Variants in ZNF804A observed in about 807,000 individuals in gnomAD.
ZNF804A encodes the protein zinc finger protein 804A.
ZNF804A carries 2 observed loss-of-function variants against 16.5 expected under a neutral mutation model. The ratio of observed to expected loss-of-function variants is 0.12; its 90% CI spans 0.05 to 0.38. ZNF804A has a LOEUF of 0.38. Among genes scored for constraint, ZNF804A ranks in the 10% least tolerant of loss-of-function variants. The pLI, the probability that ZNF804A is intolerant of heterozygous loss-of-function variation, is 0.99. For missense variants in ZNF804A, 1,473 were observed against 1,390.7 expected (o/e 1.06, Z -0.94); for synonymous variants, 534 against 489.6 (o/e 1.09, Z -1.20).
At chr2:184,635,002 A>T (rs2105689037) in intron 1 of ZNF804A, among the ~76,000 whole-genome samples, 1 of 152,252 alleles carries the variant, frequency 6.6e-6, no homozygotes, top group East Asian at 1.9e-4. Flanking sequence ...TGACTCACAG[A>T]GATTGTATCT....
At chr2:184,823,752 C>G (rs894269128) in intron 1 of ZNF804A, among the ~76,000 whole-genome samples, 2 of 151,984 alleles carry the variant, frequency 1.3e-5, no homozygotes, top group African/African-American at 4.8e-5. Flanking sequence ...TGGTGATATA[C>G]TTGAAAAACC....
chr2:184,740,532 A>G (rs1222761292), intron 1 of ZNF804A, among the ~76,000 whole-genome samples: 1 of 152,154 alleles, frequency 6.6e-6, no homozygotes, highest in African/African-American at 2.4e-5. Flanking sequence ...GTTTTTTCAA[A>G]ATTATCTTTC....
intron 1 of ZNF804A, among the ~76,000 whole-genome samples, chr2:184,734,433 T>A (rs1693577393): frequency 6.6e-6 from 1 of 152,218 alleles, no homozygotes; most frequent in African/African-American, 2.4e-5. Context: ...TATGTGTTAT[T>A]TAGAAGTGTG....
chr2:184,673,869 A>G lies in ZNF804A; in HGVS notation c.111+74799A>G, dbSNP rs1226736319. Among the ~76,000 whole-genome samples, 7 of 152,324 alleles carry G rather than the reference A, an allele frequency of 4.6e-5. No individual in the cohort carries two copies. In the South Asian group the frequency reaches 1.0e-3, roughly 23 times the overall value. On this transcript the variant is annotated intron_variant, in intron 1 of 3. Transcript: ENST00000302277. ...ACTTTAAAGAAAACTTAAAAGGATTATATTGAAATGTCTTATAGCAAAGTA... is the reference window on the plus strand; with the variant it reads ...ACTTTAAAGAAAACTTAAAAGGATTGTATTGAAATGTCTTATAGCAAAGTA...
intron 1 of ZNF804A, among the ~76,000 whole-genome samples, chr2:184,703,049 C>A (rs1160607225): frequency 6.6e-6 from 1 of 152,036 alleles, no homozygotes; most frequent in South Asian, 2.1e-4. Context: ...TTTGCAGTAG[C>A]TCCTTTTTGA....
chr2:184,784,714 G>A (rs187183052), intron 1 of ZNF804A, among the ~76,000 whole-genome samples: 1 of 152,022 alleles, frequency 6.6e-6, no homozygotes, highest in African/African-American at 2.4e-5. Context: ...GTTCTCCTGA[G>A]GCAAGGGTTG....
chr2:184,662,243 C>T (rs916050568), intron 1 of ZNF804A, among the ~76,000 whole-genome samples: 2 of 152,148 alleles, frequency 1.3e-5, no homozygotes, highest in Non-Finnish European at 2.9e-5. Flanking sequence ...GAGTTTTTGA[C>T]TACGTTCGTT....
chr2:184,739,042 CAAT>C (rs1207432026), intron 1 of ZNF804A, among the ~76,000 whole-genome samples: 3 of 152,130 alleles, frequency 2.0e-5, no homozygotes, highest in Non-Finnish European at 2.9e-5. Context: ...GTAGGATAAA[CAAT>C]AATAACTTTG....
At chr2:184,870,049 A>G in intron 2 of ZNF804A, among the ~76,000 whole-genome samples, 1 of 152,128 alleles carries the variant, frequency 6.6e-6, no homozygotes, top group Non-Finnish European at 1.5e-5. Flanking sequence ...GATTGTAACA[A>G]TTTTAGGGCA....
intron 1 of ZNF804A, among the ~76,000 whole-genome samples, chr2:184,657,683 G>A (rs1692103379): frequency 1.3e-5 from 2 of 152,138 alleles, no homozygotes; most frequent in African/African-American, 4.8e-5. Context: ...CTGGGTTTAG[G>A]AAAATTCTTA....
intron 1 of ZNF804A, among the ~76,000 whole-genome samples, chr2:184,688,101 A>G (rs1205695852): frequency 6.6e-6 from 1 of 152,172 alleles, no homozygotes; most frequent in Non-Finnish European, 1.5e-5. Flanking sequence ...CCTGGGTGAC[A>G]CAGTGAGACA....
chr2:184,816,175 C>T (rs988612690), intron 1 of ZNF804A, among the ~76,000 whole-genome samples: 2 of 151,956 alleles, frequency 1.3e-5, no homozygotes, highest in Non-Finnish European at 2.9e-5. Context: ...TAGCTTAAAC[C>T]AAGAATATGG....
intron 1 of ZNF804A, among the ~76,000 whole-genome samples, chr2:184,735,083 T>C (rs1693585624): frequency 1.3e-5 from 2 of 152,170 alleles, no homozygotes; most frequent in South Asian, 4.1e-4. Flanking sequence ...AGATAACATG[T>C]AGTGGATCTT....
chr2:184,866,619 C>A, intron 2 of ZNF804A, 107 bp downstream of exon 2: 3 of 1,001,234 alleles, frequency 3.0e-6, no homozygotes, highest in South Asian at 2.5e-5. Flanking sequence ...ATTTAATTTG[C>A]TGTACAGTTT....
chr2:184,850,422 G>A (rs1001759148), intron 1 of ZNF804A, among the ~76,000 whole-genome samples: 4 of 151,876 alleles, frequency 2.6e-5, no homozygotes, highest in South Asian at 4.1e-4. Flanking sequence ...GTTAAGCAAC[G>A]AGTAGAATAA....
At position 184,744,260 on chromosome 2, in the gene ZNF804A, A is replaced by G. The variant is rs374788766; in HGVS notation, c.112-122109A>G. Among the ~76,000 whole-genome samples the G allele has an allele frequency of 1.4e-4, 22 of 151,984 alleles. 1 individual carries two copies. In the East Asian group the frequency reaches 2.5e-3, roughly 17 times the overall value. The stretch of plus-strand genomic sequence containing the variant: ...AGATTATTACAAGGATCAAACCAAC[A>G]CATTGCAATTATTTTGTATTATATA... On this transcript the variant is annotated intron_variant, in intron 1 of 3. Coordinates refer to ENST00000302277, the MANE Select transcript of ZNF804A (RefSeq NM_194250.2).
intron 1 of ZNF804A, among the ~76,000 whole-genome samples, chr2:184,753,444 A>G (rs144559866): frequency 6.6e-5 from 10 of 151,758 alleles, no homozygotes; most frequent in African/African-American, 2.4e-4. Context: ...ATTCCCTCAT[A>G]AATTTACAAA....
At chr2:184,643,745 T>C (rs1691831714) in intron 1 of ZNF804A, among the ~76,000 whole-genome samples, 2 of 151,338 alleles carry the variant, frequency 1.3e-5, no homozygotes, top group Non-Finnish European at 3.0e-5. Flanking sequence ...TATATAGACA[T>C]GTATAAATAT....
At chr2:184,671,369 G>A (rs1185956558) in intron 1 of ZNF804A, among the ~76,000 whole-genome samples, 1 of 152,194 alleles carries the variant, frequency 6.6e-6, no homozygotes, top group Non-Finnish European at 1.5e-5. Context: ...AGGGACCAGT[G>A]GGAAGAAGTA....
Sources: allele counts gnomAD v4.1 joint callset (sites outside exome capture counted in the v4.1 genomes callset), GRCh38; gene constraint gnomAD v4.1.1; transcripts MANE v1.5; gene names NCBI Gene and HGNC (gene_info 2026-07-23, HGNC 2026-07-21).